GAP43: variants seen among roughly 807,000 people sequenced by gnomAD.
The protein encoded by GAP43 is growth associated protein 43.
GAP43 carries 6 observed loss-of-function variants against 18.6 expected under a neutral mutation model. That is an observed-to-expected ratio of 0.32 (90% CI 0.18 to 0.64). The LOEUF (loss-of-function observed/expected upper bound fraction) is 0.64. GAP43 is among the 30% of genes least tolerant of loss of function. The pLI, the probability that GAP43 is intolerant of heterozygous loss-of-function variation, is 0.78. For missense variants in GAP43, 292 were observed against 295.5 expected (o/e 0.99, Z 0.09); for synonymous variants, 115 against 111.4 (o/e 1.03, Z -0.20).
chr3:115,675,552 G>A (rs187551946), intron 1 of GAP43, among the ~76,000 whole-genome samples: 1 of 152,166 alleles, frequency 6.6e-6, no homozygotes, highest in African/African-American at 2.4e-5. Context: ...ACTGAGGTCA[G>A]GAGTTTGAGA....
At chr3:115,652,077 A>G (rs189869092) in intron 1 of GAP43, among the ~76,000 whole-genome samples, 5 of 152,256 alleles carry the variant, frequency 3.3e-5, no homozygotes, top group Non-Finnish European at 7.4e-5. Flanking sequence ...TATTTCCTGT[A>G]CTAAGATGCT....
intron 1 of GAP43, among the ~76,000 whole-genome samples, chr3:115,642,949 T>C (rs1238118860): frequency 6.6e-6 from 1 of 152,068 alleles, no homozygotes; most frequent in Admixed American, 6.6e-5. Flanking sequence ...AAAATACAAT[T>C]GATTAACTGA....
chr3:115,703,271 A>G (rs770813386), intron 2 of GAP43, among the ~76,000 whole-genome samples: 4 of 152,126 alleles, frequency 2.6e-5, no homozygotes, highest in Non-Finnish European at 5.9e-5. Context: ...GTGAAGTTTT[A>G]TGATTGAAGA....
At chr3:115,680,145 G>A (rs958996923) in intron 2 of GAP43, among the ~76,000 whole-genome samples, 3 of 151,828 alleles carry the variant, frequency 2.0e-5, no homozygotes, top group African/African-American at 7.3e-5. Context: ...GCTAGGTATT[G>A]GAGTCACAAA....
At chr3:115,647,932 G>A (rs1378156890) in intron 1 of GAP43, among the ~76,000 whole-genome samples, 2 of 151,632 alleles carry the variant, frequency 1.3e-5, no homozygotes, top group African/African-American at 4.8e-5. Context: ...ATATAGAAGA[G>A]AAAATAAAAC....
chr3:115,655,960 G>A (rs1708575576), intron 1 of GAP43, among the ~76,000 whole-genome samples: 1 of 152,214 alleles, frequency 6.6e-6, no homozygotes, highest in African/African-American at 2.4e-5. Context: ...CCTGCCACAT[G>A]CCTTAGGCCA....
chr3:115,697,334 C>A (rs1273185948), intron 2 of GAP43, among the ~76,000 whole-genome samples: 1 of 152,074 alleles, frequency 6.6e-6, no homozygotes, highest in Non-Finnish European at 1.5e-5. Flanking sequence ...GAAGAAGATA[C>A]CAAGCACATG....
intron 2 of GAP43, among the ~76,000 whole-genome samples, chr3:115,682,452 C>A (rs1050431187): frequency 3.3e-5 from 5 of 152,146 alleles, no homozygotes; most frequent in East Asian, 3.8e-4. Flanking sequence ...GGTCTACCCC[C>A]CTTTGGCAAG....
chr3:115,672,732 CCCTCTCCTCTCCTCT>C (rs549128955), intron 1 of GAP43, among the ~76,000 whole-genome samples: 16 of 107,492 alleles, frequency 1.5e-4, no homozygotes, highest in Non-Finnish European at 2.7e-4. Context: ...CTTCCCACAT[CCCTCTCCTCTCCTCT>C]CCTCTCCTCT....
chr3:115,680,709 A>G (rs376013545), intron 2 of GAP43, among the ~76,000 whole-genome samples: 2 of 152,324 alleles, frequency 1.3e-5, no homozygotes, highest in South Asian at 2.1e-4. Context: ...CGTTGCATAT[A>G]ATGTATGTCC....
chr3:115,643,630 C>T (rs1179673332), intron 1 of GAP43, among the ~76,000 whole-genome samples: 1 of 152,016 alleles, frequency 6.6e-6, no homozygotes, highest in Non-Finnish European at 1.5e-5. Flanking sequence ...CAGGATTCTA[C>T]TCAAACTCAC....
chr3:115,693,222 C>T (rs920443770), intron 2 of GAP43, among the ~76,000 whole-genome samples: 37 of 152,200 alleles, frequency 2.4e-4, no homozygotes, highest in Non-Finnish European at 4.7e-4. Context: ...CTCCAGGCCT[C>T]CCTCTCAGGT....
intron 1 of GAP43, among the ~76,000 whole-genome samples, chr3:115,641,524 ACACACACACACACACACACG>A (rs1708396188): frequency 7.3e-6 from 1 of 136,258 alleles, no homozygotes; most frequent in African/African-American, 2.9e-5. Flanking sequence ...ACACACACAC[ACACACACACACACACACACG>A]GTGCTTTCCT....
At chr3:115,669,683 G>C (rs1708785780) in intron 1 of GAP43, among the ~76,000 whole-genome samples, 1 of 152,148 alleles carries the variant, frequency 6.6e-6, no homozygotes. Flanking sequence ...CTATGTTGAA[G>C]ATACCACCTC....
At chr3:115,682,524 CAAATT>C (rs1421884857) in intron 2 of GAP43, among the ~76,000 whole-genome samples, 1 of 152,070 alleles carries the variant, frequency 6.6e-6, no homozygotes, top group Non-Finnish European at 1.5e-5. Context: ...ATAGAAGAGA[CAAATT>C]AAAGAGCAAT....
intron 1 of GAP43, among the ~76,000 whole-genome samples, chr3:115,646,263 A>G (rs1001872512): frequency 6.6e-6 from 1 of 152,082 alleles, no homozygotes; most frequent in Non-Finnish European, 1.5e-5. Flanking sequence ...AACTCTGCCT[A>G]TGCCAACTGT....
intron 2 of GAP43, among the ~76,000 whole-genome samples, chr3:115,683,520 C>T (rs1052945491): frequency 1.3e-5 from 2 of 152,156 alleles, no homozygotes; most frequent in Non-Finnish European, 2.9e-5. Context: ...TCATAATCCT[C>T]CTAACCCTGT....
In GAP43 at chr3:115,676,322, G is replaced by A. The variant is rs574782109; in HGVS notation, c.340G>A (p.Gly114Arg). The A allele has an allele frequency of 6.2e-7, 1 of 1,614,154 alleles. No homozygotes were observed. Among genetic ancestry groups the A allele is most frequent in the Admixed American group, 1.7e-5 (1 of 60,030 alleles). ...AGETPSEEKK[G>R]EGDAATEQAA... The stretch of plus-strand genomic sequence containing the variant: ...AGAAACTCCTTCCGAGGAGAAGAAG[G>A]GGGAGGGTGATGCTGCCACAGAGCA... The change falls in exon 2 of 3, where the codon GGG becomes AGG. Residue 114 changes from glycine to arginine, a missense_variant. Gly to Arg is a moderately radical substitution (Grantham distance 125). Transcript: ENST00000305124.
At chr3:115,678,398 A>T (rs1467020071) in intron 2 of GAP43, among the ~76,000 whole-genome samples, 1 of 152,180 alleles carries the variant, frequency 6.6e-6, no homozygotes, top group Non-Finnish European at 1.5e-5. Flanking sequence ...TTGGGTTGAT[A>T]GAAGGATTTT....
Sources: gnomAD v4.1 joint callset for allele counts (sites outside exome capture counted in the v4.1 genomes callset) on GRCh38, gnomAD v4.1.1 for gene constraint, MANE v1.5 for transcripts, NCBI Gene and HGNC (gene_info 2026-07-23, HGNC 2026-07-21) for gene names.